Variants in FAT4 observed in about 807,000 individuals in gnomAD.
The protein encoded by FAT4 is FAT atypical cadherin 4, also known as protocadherin Fat 4.
In FAT4, 84 loss-of-function variants were observed where a neutral mutation model predicts 303.9. That is an observed-to-expected ratio of 0.28 (90% CI 0.23 to 0.33). The LOEUF (loss-of-function observed/expected upper bound fraction) is 0.33, where lower values mean the gene tolerates loss of function less well. Among genes scored for constraint, FAT4 ranks in the 10% least tolerant of loss-of-function variants. The pLI is 1.00. For synonymous variants in FAT4, 2,307 were observed against 2,298.8 expected, an observed-to-expected ratio of 1.00 and a Z score of -0.10; for missense variants, 6,005 against 6,146.8, an observed-to-expected ratio of 0.98 and a Z score of 0.77.
intron 3 of FAT4, among the ~76,000 whole-genome samples, chr4:125,405,315 T>C (rs1172315402): frequency 6.6e-6 from 1 of 152,158 alleles, no homozygotes; most frequent in African/African-American, 2.4e-5. Flanking sequence ...CCATACTGTT[T>C]TTCCACAACA....
At chr4:125,442,325 T>A (rs1349885578) in intron 8 of FAT4, among the ~76,000 whole-genome samples, 4 of 152,282 alleles carry the variant, frequency 2.6e-5, no homozygotes, top group East Asian at 3.9e-4. Flanking sequence ...ACCTTTTTTT[T>A]ATATCTTTCT....
chr4:125,319,371 A>G lies in FAT4; in HGVS notation c.2960A>G (p.His987Arg), dbSNP rs764924580. Residue 987 changes from histidine to arginine, a missense_variant, in exon 2 of 18, where the codon CAT becomes CGT. His to Arg is a conservative substitution (Grantham distance 29). Coordinates refer to ENST00000394329, the MANE Select transcript of FAT4 (RefSeq NM_001291303.3). ...AGTGTCATCTTAACAGTTTATGTCC[A>G]TGATGTAAATGACAATTCACCAGTG... Reference protein sequence around the residue: ...SSSVILTVYVHDVNDNSPVFD... With the variant: ...SSSVILTVYVRDVNDNSPVFD... 5 of 1,612,402 alleles carry G rather than the reference A, an allele frequency of 3.1e-6. No homozygotes were observed. The highest frequency in any genetic ancestry group is 2.2e-5 in the East Asian group (1 of 44,878).
chr4:125,390,765 A>G (rs1290136974), intron 2 of FAT4, among the ~76,000 whole-genome samples: 2 of 152,164 alleles, frequency 1.3e-5, no homozygotes, highest in African/African-American at 2.4e-5. Flanking sequence ...TGAAGCAGAG[A>G]TGGGCAATGT....
intron 3 of FAT4, among the ~76,000 whole-genome samples, chr4:125,399,251 T>A (rs1734295202): frequency 6.6e-6 from 1 of 152,088 alleles, no homozygotes; most frequent in Non-Finnish European, 1.5e-5. Flanking sequence ...TTATAGCAGC[T>A]AAGGATTGGT....
rs767200077 is a variant in FAT4 at position 125,448,796 on chromosome 4, T to C, written c.7786T>C (p.Leu2596=). Residue 2596 remains leucine (L), a synonymous_variant, in exon 10 of 18, where the codon TTA becomes CTA. Coordinates refer to ENST00000394329, the MANE Select transcript of FAT4 (RefSeq NM_001291303.3). ...SLVTTITGSS[L]RGEPMSYYIA... ...TGTCACCACCATCACAGGATCCTCT[T>C]TAAGAGGAGAACCTATGTCATATTA... The C allele has an allele frequency of 1.9e-6, 3 of 1,610,514 alleles. No homozygotes were observed. Among genetic ancestry groups the C allele is most frequent in the Admixed American group, 1.7e-5 (1 of 59,958 alleles).
At position 125,339,825 on chromosome 4, in the gene FAT4, G is replaced by A. The variant is rs184840431; in HGVS notation, c.5175+18239G>A. 4.6e-5 allele frequency among the ~76,000 whole-genome samples: 7 copies of A among 152,026 alleles called. No homozygotes were observed. In the East Asian group the frequency reaches 1.2e-3, roughly 25 times the overall value. ...CACATCCTGACCTGGTCATATATAA[G>A]AATTTAATAGTAGTTTCTGATAAAG... On this transcript the variant is annotated intron_variant, in intron 2 of 17. Coordinates refer to ENST00000394329, the MANE Select transcript of FAT4 (RefSeq NM_001291303.3).
chr4:125,434,236 T>C lies in FAT4; in HGVS notation c.7019-9T>C, dbSNP rs779926989. 3 of 1,603,096 alleles carry C rather than the reference T, an allele frequency of 1.9e-6. No individual in the cohort carries two copies. The highest frequency in any genetic ancestry group is 2.2e-5 in the East Asian group (1 of 44,700). ...TAAACATTGAGACTTGATTTTCTTTTCTTTTTAGGATCCCCTGCCTTGACT... is the reference window on the plus strand; with the variant it reads ...TAAACATTGAGACTTGATTTTCTTTCCTTTTTAGGATCCCCTGCCTTGACT... On this transcript the variant is annotated splice_polypyrimidine_tract_variant and intron_variant, in intron 7 of 17. Transcript: ENST00000394329.
chr4:125,326,617 A>G (rs1731167120), intron 2 of FAT4, among the ~76,000 whole-genome samples: 1 of 152,194 alleles, frequency 6.6e-6, no homozygotes, highest in African/African-American at 2.4e-5. Flanking sequence ...CATCCTCATA[A>G]CTACTCTTCT....
intron 2 of FAT4, among the ~76,000 whole-genome samples, chr4:125,327,641 C>T (rs1731209981): frequency 6.6e-6 from 1 of 152,128 alleles, no homozygotes; most frequent in Non-Finnish European, 1.5e-5. Flanking sequence ...TTATATATAT[C>T]TTCAGGATGC....
intron 8 of FAT4, among the ~76,000 whole-genome samples, chr4:125,440,480 A>G (rs1389915959): frequency 6.6e-6 from 1 of 151,724 alleles, no homozygotes; most frequent in Non-Finnish European, 1.5e-5. Flanking sequence ...ATTATTTCTT[A>G]TCATCCTGCA....
intron 4 of FAT4, 49 bp downstream of exon 4, chr4:125,407,190 C>T (rs201934637): frequency 3.3e-6 from 5 of 1,525,646 alleles, no homozygotes; most frequent in African/African-American, 1.4e-5. Context: ...GCTTTTGAAC[C>T]AAAATTACAT....
rs757162917 is a variant in FAT4 at position 125,318,484 on chromosome 4, G to A, written c.2073G>A (p.Pro691=). The A allele has an allele frequency of 2.3e-5, 37 of 1,613,936 alleles. No homozygotes were observed. The highest frequency in any genetic ancestry group is 1.0e-4 in the Admixed American group (6 of 59,988). ...DINDNSPVFY[P]VQYFAHIKEN... ...ATGATAACAGCCCTGTCTTCTACCCGGTCCAATACTTTGCTCACATTAAGG... is the reference window on the plus strand; with the variant it reads ...ATGATAACAGCCCTGTCTTCTACCCAGTCCAATACTTTGCTCACATTAAGG... Residue 691 remains proline (P), a synonymous_variant, in exon 2 of 18, where the codon CCG becomes CCA. Transcript: ENST00000394329.
chr4:125,319,952 G>T lies in FAT4; in HGVS notation c.3541G>T (p.Ala1181Ser). 1 of 1,613,400 alleles carries T rather than the reference G, an allele frequency of 6.2e-7. No individual in the cohort carries two copies. The highest frequency in any genetic ancestry group is 8.5e-7 in the Non-Finnish European group (1 of 1,179,984). ...TGCTGTGTTTAGCTTTACAGTCATA[G>T]CAACAGATCAGGGGATCCCTCAGCC... is the stretch of plus-strand genomic sequence containing the variant. ...GTAVFSFTVI[A>S]TDQGIPQPLK... Residue 1181 changes from alanine to serine, a missense_variant, in exon 2 of 18, where the codon GCA becomes TCA. Coordinates refer to ENST00000394329, the MANE Select transcript of FAT4 (RefSeq NM_001291303.3).
chr4:125,332,062 C>G (rs1381222010), intron 2 of FAT4, among the ~76,000 whole-genome samples: 1 of 151,856 alleles, frequency 6.6e-6, no homozygotes, highest in Non-Finnish European at 1.5e-5. Context: ...TATTAGTGCT[C>G]TTCCCCTTTT....
In FAT4 at chr4:125,389,837, G is replaced by T. The variant is rs1035320486; in HGVS notation, c.5176-8947G>T. Among the ~76,000 whole-genome samples the T allele has an allele frequency of 2.0e-5, 3 of 152,286 alleles. No homozygotes were observed. The East Asian group carries it at 5.8e-4, about 29-fold the overall frequency. ...ACCTTGTTCATAGAGATCAGGCCTT[G>T]CATACCTACATAGTCCAAACATTAC... On this transcript the variant is annotated intron_variant, in intron 2 of 17. Transcript: ENST00000394329.
In FAT4 at chr4:125,415,054, T is replaced by C; in HGVS notation, c.6091T>C (p.Phe2031Leu). The C allele has an allele frequency of 6.2e-7, 1 of 1,614,052 alleles. No homozygotes were observed. Among genetic ancestry groups the C allele is most frequent in the Non-Finnish European group, 8.5e-7 (1 of 1,179,964 alleles). The change falls in exon 6 of 18, where the codon TTC becomes CTC. Residue 2031 changes from phenylalanine to leucine, a missense_variant. Coordinates refer to ENST00000394329, the MANE Select transcript of FAT4 (RefSeq NM_001291303.3). ...HDLPQIPASR[F>L]TSTAQVSIIL... is the part of the protein sequence containing the mutation. ...CCTGCCACAGATTCCAGCCTCCAGATTCACAAGCACTGCTCAAGTCTCCAT... is the reference window on the plus strand; with the variant it reads ...CCTGCCACAGATTCCAGCCTCCAGACTCACAAGCACTGCTCAAGTCTCCAT...
chr4:125,370,307 G>A (rs1320720700), intron 2 of FAT4, among the ~76,000 whole-genome samples: 1 of 152,114 alleles, frequency 6.6e-6, no homozygotes, highest in East Asian at 1.9e-4. Flanking sequence ...ATTCCGACAG[G>A]AACCCTACAA....
chr4:125,491,825 T>C lies in FAT4; in HGVS notation c.*57T>C. On this transcript the variant is annotated 3_prime_UTR_variant, in exon 18 of 18. Coordinates refer to ENST00000394329, the MANE Select transcript of FAT4 (RefSeq NM_001291303.3). The stretch of plus-strand genomic sequence containing the variant: ...ACAAGAAATAATACTCAAACCATTG[T>C]AAAGTTGCTGACTAGGTTGGGTCAC... The C allele has an allele frequency of 4.7e-6, 7 of 1,486,888 alleles. No individual in the cohort carries two copies. Among genetic ancestry groups the C allele is most frequent in the Non-Finnish European group, 6.3e-6 (7 of 1,116,202 alleles). 92.1% of individuals were successfully genotyped at this position (1,486,888 alleles called of 1,614,324 possible). A position where few individuals can be genotyped will look rare whatever the true frequency, so the allele number is the denominator to read the frequency against.
intron 10 of FAT4, among the ~76,000 whole-genome samples, chr4:125,460,616 T>C (rs1290064934): frequency 6.6e-6 from 1 of 152,078 alleles, no homozygotes; most frequent in African/African-American, 2.4e-5. Flanking sequence ...GACATAATCT[T>C]GTTCTTTTTT....
Sources: gnomAD v4.1 joint callset for allele counts (sites outside exome capture counted in the v4.1 genomes callset) on GRCh38, gnomAD v4.1.1 for gene constraint, MANE v1.5 for transcripts, NCBI Gene and HGNC (gene_info 2026-07-23, HGNC 2026-07-21) for gene names.